Variants in AKAP13 observed in about 807,000 individuals in gnomAD.
AKAP13 encodes the protein A-kinase anchor protein 13.
Under a neutral mutation model 264.5 loss-of-function variants are expected in AKAP13, and 80 were observed. The ratio of observed to expected loss-of-function variants is 0.30; its 90% CI spans 0.25 to 0.36. The LOEUF is 0.36. AKAP13 is among the 10% of genes least tolerant of loss of function. The pLI, the probability that AKAP13 is intolerant of heterozygous loss-of-function variation, is 1.00. For synonymous variants in AKAP13, 1,380 were observed against 1,250.2 expected (o/e 1.10, Z -2.19); for missense variants, 3,712 against 3,435.2 (o/e 1.08, Z -2.01).
rs142449273 is a variant in AKAP13 at position 85,568,225 on chromosome 15, C to T, written c.663-6906C>T. ...TGAAGTGGGAGGATCACTGGAGCCC[C>T]GGAGGTTGAGGCTGCAGTGAGCTGA... On this transcript the variant is annotated intron_variant, in intron 5 of 36. Transcript: ENST00000394518. 9.0e-3 allele frequency among the ~76,000 whole-genome samples: 1,367 copies of T among 151,310 alleles called. 18 individuals carry two copies. The highest frequency in any genetic ancestry group is 0.032 in the African/African-American group (1,313 of 41,136).
chr15:85,647,042 G>T (rs1242958692), intron 10 of AKAP13, among the ~76,000 whole-genome samples: 1 of 152,214 alleles, frequency 6.6e-6, no homozygotes, highest in Admixed American at 6.5e-5. Flanking sequence ...CGGAGAAGTG[G>T]TGAGAGCAGT....
At chr15:85,451,637 G>A (rs1020124582) in intron 1 of AKAP13, among the ~76,000 whole-genome samples, 1 of 152,178 alleles carries the variant, frequency 6.6e-6, no homozygotes, top group Non-Finnish European at 1.5e-5. Flanking sequence ...CGGAAGTTTA[G>A]TTTGGCTGGA....
At chr15:85,602,106 T>C (rs1292418328) in intron 8 of AKAP13, among the ~76,000 whole-genome samples, 1 of 152,062 alleles carries the variant, frequency 6.6e-6, no homozygotes, top group African/African-American at 2.4e-5. Flanking sequence ...AATTGTGATA[T>C]TCTTTGATAC....
At chr15:85,658,800 C>T (rs2083212674) in intron 12 of AKAP13, among the ~76,000 whole-genome samples, 5 of 152,172 alleles carry the variant, frequency 3.3e-5, no homozygotes, top group Admixed American at 3.3e-4. Flanking sequence ...GCTATTTTAT[C>T]TTTTTTAAAA....
At position 85,580,914 on chromosome 15, in the gene AKAP13, A is replaced by C; in HGVS notation, c.2846A>C (p.Glu949Ala). The change falls in exon 7 of 37, where the codon GAA (glutamate) becomes GCA (alanine). Residue 949 changes from glutamate to alanine, a missense_variant. This residue lies in a region of AKAP13 where 2,759 missense variants were observed against 2,411.7 expected (regional missense o/e 1.14). Transcript: ENST00000394518. ...GCTCTCTCTTCAGGAACTTTGCAGG[A>C]AGAGCAGAGAACACCACCTCCTGGA... ...ENALSSGTLQ[E>A]EQRTPPPGQD... The C allele has an allele frequency of 3.7e-6, 6 of 1,614,216 alleles. No individual in the cohort carries two copies. The highest frequency in any genetic ancestry group is 5.1e-6 in the Non-Finnish European group (6 of 1,180,034).
At chr15:85,717,821 G>A (rs574491213) in intron 21 of AKAP13, among the ~76,000 whole-genome samples, 186 bp from the exon 22 acceptor site, 2 of 152,248 alleles carry the variant, frequency 1.3e-5, no homozygotes, top group East Asian at 1.9e-4. Flanking sequence ...CCTAAGTCTC[G>A]AATGTAGAGT....
At chr15:85,393,137 G>A in intron 1 of AKAP13, among the ~76,000 whole-genome samples, 1 of 152,192 alleles carries the variant, frequency 6.6e-6, no homozygotes, top group South Asian at 2.1e-4. Context: ...GGTCCGTTGT[G>A]ACATTGCATG....
chr15:85,548,036 A>T (rs1330949199), intron 5 of AKAP13, among the ~76,000 whole-genome samples: 1 of 152,160 alleles, frequency 6.6e-6, no homozygotes, highest in Non-Finnish European at 1.5e-5. Context: ...CATTGTAGTT[A>T]TCTAAGAAGA....
At chr15:85,664,808 C>T in intron 13 of AKAP13, 53 bp downstream of exon 13, 1 of 1,535,264 alleles carries the variant, frequency 6.5e-7, no homozygotes, top group Non-Finnish European at 8.9e-7. Context: ...AAAATATGAA[C>T]ATAGAAGGCA....
chr15:85,710,741 G>A (rs903159417), intron 19 of AKAP13, 96 bp downstream of exon 19: 64 of 1,321,474 alleles, frequency 4.8e-5, no homozygotes, highest in Non-Finnish European at 6.4e-5. Context: ...TCATAGTCAA[G>A]ATATGAATAC....
chr15:85,383,501 C>G (rs2070395563), intron 1 of AKAP13, among the ~76,000 whole-genome samples: 2 of 152,196 alleles, frequency 1.3e-5, no homozygotes, highest in East Asian at 1.9e-4. Flanking sequence ...TTTTACATGA[C>G]TTAAGCATTC....
chr15:85,561,095 C>T (rs1005691533), intron 5 of AKAP13, among the ~76,000 whole-genome samples: 4 of 149,396 alleles, frequency 2.7e-5, no homozygotes, highest in African/African-American at 9.9e-5. Context: ...GTTTGACTCG[C>T]CGCCCAGGCT....
At chr15:85,389,159 T>TTAC (rs1299154389) in intron 1 of AKAP13, among the ~76,000 whole-genome samples, 1 of 152,194 alleles carries the variant, frequency 6.6e-6, no homozygotes, top group Admixed American at 6.5e-5. Context: ...CATGCTTGGC[T>TTAC]TACTACTGGG....
chr15:85,446,235 A>G (rs1174567215), intron 1 of AKAP13, among the ~76,000 whole-genome samples: 1 of 152,220 alleles, frequency 6.6e-6, no homozygotes, highest in East Asian at 1.9e-4. Context: ...AACGTGGAAG[A>G]TAGTTATGCT....
chr15:85,589,477 C>T (rs995824471), intron 8 of AKAP13, among the ~76,000 whole-genome samples: 14 of 151,934 alleles, frequency 9.2e-5, no homozygotes, highest in Middle Eastern at 3.4e-3. Context: ...AAATCTCAGC[C>T]GGGCACAGCG....
chr15:85,629,526 T>G (rs1233881928), intron 8 of AKAP13, among the ~76,000 whole-genome samples: 1 of 152,088 alleles, frequency 6.6e-6, no homozygotes, highest in Non-Finnish European at 1.5e-5. Context: ...GGGAGATCCG[T>G]TAAATAGATG....
In AKAP13 at chr15:85,580,093, T is replaced by C; in HGVS notation, c.2025T>C (p.Ser675=). The change falls in exon 7 of 37, where the codon AGT becomes AGC. Residue 675 remains serine (S), a synonymous_variant. Coordinates refer to ENST00000394518, the MANE Select transcript of AKAP13 (RefSeq NM_007200.5). ...GTCAACAGAACACAGTGACTTCTAG[T>C]GGCGATTTGGTTGCAAAACTGTGTG... The part of the protein sequence containing the change: ...SACQQNTVTS[S]GDLVAKLCDN... 6.2e-7 allele frequency: 1 copy of C among 1,614,224 alleles called. No homozygotes were observed.
chr15:85,728,661 G>A (rs2087762912), intron 29 of AKAP13, among the ~76,000 whole-genome samples: 1 of 152,138 alleles, frequency 6.6e-6, no homozygotes, highest in African/African-American at 2.4e-5. Flanking sequence ...GCTGGTGCAT[G>A]AGCTACATCT....
At chr15:85,405,126 G>A (rs906068799) in intron 1 of AKAP13, among the ~76,000 whole-genome samples, 4 of 152,060 alleles carry the variant, frequency 2.6e-5, no homozygotes, top group Admixed American at 2.6e-4. Flanking sequence ...GAATAGATGA[G>A]TCATGTGTTT....
Sources: allele counts gnomAD v4.1 joint callset (sites outside exome capture counted in the v4.1 genomes callset), GRCh38; gene constraint gnomAD v4.1.1; regional missense constraint gnomAD v4.1.1; transcripts MANE v1.5; gene names NCBI Gene and HGNC (gene_info 2026-07-23, HGNC 2026-07-21).